The following ABCB11 variants were observed in gnomAD, a reference collection of about 807,000 sequenced individuals.
ABCB11 encodes the protein bile salt export pump.
A neutral mutation model predicts 148.0 loss-of-function variants in ABCB11; 95 were observed. The ratio of observed to expected loss-of-function variants is 0.64; its 90% CI spans 0.54 to 0.76. The LOEUF is 0.76. ABCB11 is among the 30% of genes least tolerant of loss of function. The pLI is 0.00. For missense variants in ABCB11, 1,523 were observed against 1,617.8 expected (o/e 0.94, Z 1.01); for synonymous variants, 591 against 555.4 (o/e 1.06, Z -0.90).
chr2:168,934,032 G>A (rs1004046294), intron 23 of ABCB11, among the ~76,000 whole-genome samples: 4 of 152,114 alleles, frequency 2.6e-5, no homozygotes, highest in African/African-American at 9.7e-5. Context: ...TTACAGGCAT[G>A]AGCCACCGCA....
chr2:168,920,546 ATT>A (rs74268253), downstream of ABCB11, among the ~76,000 whole-genome samples: 43 of 147,420 alleles, frequency 2.9e-4, no homozygotes, highest in East Asian at 1.4e-3. Context: ...CAATCCTTCT[ATT>A]TTTTTTTTTT....
chr2:168,990,662 G>T (rs1198515606), intron 9 of ABCB11, 139 bp downstream of exon 9: 2 of 1,046,398 alleles, frequency 1.9e-6, no homozygotes, highest in Non-Finnish European at 2.8e-6. Flanking sequence ...AAATTACTCT[G>T]CTTAGCTCCC....
At chr2:168,925,265 A>T (rs1044579823) in intron 26 of ABCB11, among the ~76,000 whole-genome samples, 2 of 152,140 alleles carry the variant, frequency 1.3e-5, no homozygotes, top group Non-Finnish European at 2.9e-5. Flanking sequence ...TAGAAGCTCC[A>T]CTCTGCTGCT....
intron 19 of ABCB11, among the ~76,000 whole-genome samples, chr2:168,955,505 A>T (rs1004088260): frequency 6.6e-6 from 1 of 151,650 alleles, no homozygotes; most frequent in African/African-American, 2.4e-5. Context: ...ACTCACTATT[A>T]TGAGAACAGC....
At chr2:169,029,992 G>A (rs1273202861) in intron 1 of ABCB11, among the ~76,000 whole-genome samples, 1 of 150,844 alleles carries the variant, frequency 6.6e-6, no homozygotes, top group East Asian at 2.0e-4. Context: ...CACCCGCCTC[G>A]GCCTCCCAAA....
chr2:169,018,568 A>G (rs1240971968), intron 1 of ABCB11, among the ~76,000 whole-genome samples: 1 of 152,218 alleles, frequency 6.6e-6, no homozygotes, highest in East Asian at 1.9e-4. Context: ...AACGACACCC[A>G]CATACTGTTG....
intron 19 of ABCB11, among the ~76,000 whole-genome samples, chr2:168,947,987 G>A (rs1559194392): frequency 6.6e-6 from 1 of 151,420 alleles, no homozygotes. Context: ...AGAGCTGGAA[G>A]ATATCTTAGA....
At chr2:168,935,680 A>C (rs557403220) in intron 22 of ABCB11, among the ~76,000 whole-genome samples, 2 of 152,316 alleles carry the variant, frequency 1.3e-5, no homozygotes, top group South Asian at 4.1e-4. Context: ...TTTACCCCCC[A>C]AGGACAAGAT....
intron 18 of ABCB11, among the ~76,000 whole-genome samples, chr2:168,958,646 G>A: frequency 6.6e-6 from 1 of 151,640 alleles, no homozygotes; most frequent in East Asian, 2.0e-4. Context: ...TTTTCAGTAA[G>A]GTTTTCCTTA....
chr2:168,989,859 G>A (rs1694453618), intron 9 of ABCB11, among the ~76,000 whole-genome samples: 1 of 152,012 alleles, frequency 6.6e-6, no homozygotes, highest in South Asian at 2.1e-4. Flanking sequence ...AGCATCTATT[G>A]AGATAACCAT....
At chr2:169,030,503 A>G (rs946152192) in intron 1 of ABCB11, among the ~76,000 whole-genome samples, 2 of 152,228 alleles carry the variant, frequency 1.3e-5, no homozygotes, top group Non-Finnish European at 2.9e-5. Flanking sequence ...TATAACCACT[A>G]TAATTTGTCT....
In ABCB11 at chr2:168,968,579, A is replaced by G. The variant is rs75793686; in HGVS notation, c.2012-89T>C. ...ATTCTTTACTATGTTTGCTTAGAATATAATTACTATGTCAAATGCCAAAAC... is the reference window on the plus strand; with the variant it reads ...ATTCTTTACTATGTTTGCTTAGAATGTAATTACTATGTCAAATGCCAAAAC... On this transcript the variant is annotated intron_variant, in intron 16 of 27. Coordinates refer to ENST00000650372, the MANE Select transcript of ABCB11 (RefSeq NM_003742.4). 2.0e-3 allele frequency: 2,198 copies of G among 1,085,714 alleles called. 30 individuals carry two copies. In the African/African-American group the frequency reaches 0.029, roughly 14 times the overall value. The allele number at this position is 1,085,714 out of a possible 1,614,324, so 67.3% of individuals were successfully genotyped here.
chr2:168,963,529 C>T (rs983030423), intron 18 of ABCB11, among the ~76,000 whole-genome samples: 1 of 151,724 alleles, frequency 6.6e-6, no homozygotes, highest in Non-Finnish European at 1.5e-5. Context: ...TAGACAATGT[C>T]TACAACAGCA....
intron 9 of ABCB11, among the ~76,000 whole-genome samples, chr2:168,988,143 T>C (rs566048616): frequency 2.0e-5 from 3 of 152,292 alleles, no homozygotes; most frequent in Admixed American, 6.5e-5. Flanking sequence ...GGGTTTCTTT[T>C]AGATCACCAT....
At chr2:168,990,758 G>C in intron 9 of ABCB11, 43 bp downstream of exon 9, 1 of 1,609,174 alleles carries the variant, frequency 6.2e-7, no homozygotes, top group Non-Finnish European at 8.5e-7. Flanking sequence ...GTACTATGCT[G>C]ATTGATGAAA....
chr2:168,952,553 C>G (rs1692613554), intron 19 of ABCB11, among the ~76,000 whole-genome samples: 1 of 150,986 alleles, frequency 6.6e-6, no homozygotes, highest in Non-Finnish European at 1.5e-5. Flanking sequence ...TCTGTGGTAT[C>G]TGTTATAATA....
intron 5 of ABCB11, among the ~76,000 whole-genome samples, chr2:169,000,918 T>C (rs940080214): frequency 9.9e-5 from 15 of 152,146 alleles, no homozygotes; most frequent in Non-Finnish European, 2.9e-5. Context: ...TACCTTCCTA[T>C]GGGCTGCTTG....
chr2:168,980,798 G>A (rs917325599), intron 10 of ABCB11, among the ~76,000 whole-genome samples: 7 of 152,110 alleles, frequency 4.6e-5, no homozygotes, highest in Non-Finnish European at 8.8e-5. Context: ...TACCTTAGGG[G>A]AAGGCTACCT....
At chr2:169,004,157 C>T (rs1328202940) in intron 5 of ABCB11, among the ~76,000 whole-genome samples, 4 of 152,118 alleles carry the variant, frequency 2.6e-5, no homozygotes, top group Non-Finnish European at 4.4e-5. Context: ...CAATGAATTT[C>T]CCAGGTGTTC....
Sources: gnomAD v4.1 joint callset for allele counts (sites outside exome capture counted in the v4.1 genomes callset) on GRCh38, gnomAD v4.1.1 for gene constraint, MANE v1.5 for transcripts, NCBI Gene and HGNC (gene_info 2026-07-23, HGNC 2026-07-21) for gene names.